The following WDR59 variants were observed in gnomAD, a reference collection of about 807,000 sequenced individuals.
The protein encoded by WDR59 is WD repeat domain 59.
A neutral mutation model predicts 131.2 loss-of-function variants in WDR59; 100 were observed. The ratio of observed to expected loss-of-function variants is 0.76; its 90% CI spans 0.65 to 0.90. The LOEUF (loss-of-function observed/expected upper bound fraction) is 0.90. Among genes scored for constraint, WDR59 ranks in the 40% least tolerant of loss-of-function variants. WDR59 has a pLI of 0.00. For missense variants in WDR59, 1,203 were observed against 1,262.2 expected, an observed-to-expected ratio of 0.95 and a Z score of 0.71; for synonymous variants, 601 against 466.2, an observed-to-expected ratio of 1.29 and a Z score of -3.72.
rs1379173086 is a variant in WDR59, at chr16:74,956,585, G to C, written c.130C>G (p.Leu44Val). 3 of 1,614,132 alleles carry C rather than the reference G, an allele frequency of 1.9e-6. No individual in the cohort carries two copies. The highest frequency in any genetic ancestry group is 2.5e-6 in the Non-Finnish European group (3 of 1,180,018). Residue 44 changes from leucine to valine, a missense_variant, in exon 3 of 26, where the codon CTA becomes GTA. By Grantham distance (32) the Leu-to-Val change is conservative. Coordinates refer to ENST00000262144, the MANE Select transcript of WDR59 (RefSeq NM_030581.4). ...CGGTGACCTTCGAAAGGGGCATCTA[G>C]ATTGACGATGTATAAGAATCTGCGG... The part of the protein sequence containing the change: ...SGRRFLYIVN[L>V]DAPFEGHRKI...
chr16:74,877,228 A>G (rs1964256976), intron 25 of WDR59, among the ~76,000 whole-genome samples: 2 of 152,002 alleles, frequency 1.3e-5, no homozygotes, highest in Admixed American at 1.3e-4. Context: ...GGTTTTGTGT[A>G]TATCTCAAAA....
At chr16:74,960,753 T>TAA (rs59914217) in intron 2 of WDR59, among the ~76,000 whole-genome samples, 2 of 118,728 alleles carry the variant, frequency 1.7e-5, no homozygotes, top group Non-Finnish European at 3.6e-5. Flanking sequence ...GTCTCAAAAA[T>TAA]AAAAAAAAAA....
At chr16:74,970,259 T>A (rs2033927290) in intron 1 of WDR59, among the ~76,000 whole-genome samples, 1 of 152,048 alleles carries the variant, frequency 6.6e-6, no homozygotes, top group Non-Finnish European at 1.5e-5. Context: ...TATGTCTAGT[T>A]TTCTAGCAGT....
chr16:74,902,050 A>C (rs1240832743), intron 18 of WDR59, among the ~76,000 whole-genome samples: 2 of 152,222 alleles, frequency 1.3e-5, no homozygotes, highest in African/African-American at 4.8e-5. Context: ...CGTATGATTT[A>C]AGCCAATAAT....
At chr16:74,982,940 T>G (rs1441399994) in intron 1 of WDR59, among the ~76,000 whole-genome samples, 1 of 152,230 alleles carries the variant, frequency 6.6e-6, no homozygotes, top group African/African-American at 2.4e-5. Flanking sequence ...ATGAATCACC[T>G]GTGCATGGTA....
At chr16:74,899,461 G>C (rs887712259) in intron 18 of WDR59, among the ~76,000 whole-genome samples, 1 of 152,154 alleles carries the variant, frequency 6.6e-6, no homozygotes, top group African/African-American at 2.4e-5. Flanking sequence ...ACTTTCCTTT[G>C]CCAAAAGAGT....
At chr16:74,948,409 C>CA in intron 6 of WDR59, 110 bp downstream of exon 6, 1 of 1,022,310 alleles carries the variant, frequency 9.8e-7, no homozygotes, top group Non-Finnish European at 1.5e-6. Context: ...CAGACAGAGG[C>CA]AGTTAGAGAG....
rs761972551 is a variant in WDR59, at chr16:74,951,534, G to A, written c.250C>T (p.Arg84Ter). ...TCTTTCCACTTGTAAAGGTCTACTC[G>A]TTGGTTACTCTGAAAAGAAAGGAAA... ...AHYFAASSNQRVDLYKWKDGS... is the reference protein window; with the variant it reads ...AHYFAASSNQ The change falls in exon 4 of 26, where the codon CGA becomes TGA. Residue 84 changes from arginine (R) to a stop codon, truncating the protein, a stop_gained. Coordinates refer to ENST00000262144, the MANE Select transcript of WDR59 (RefSeq NM_030581.4). LOFTEE classifies it high-confidence loss of function. 2.1e-5 allele frequency: 34 copies of A among 1,593,994 alleles called. No individual in the cohort carries two copies. Among genetic ancestry groups the A allele is most frequent in the Non-Finnish European group, 2.5e-5 (29 of 1,170,500 alleles).
Position 74,952,784 on chromosome 16 carries a change from T to C in WDR59, c.241-1241A>G, listed in dbSNP as rs182407225. Reference sequence around the variant, plus strand: ...TTTTTAAATTATATATATATATATATACACATTAGACTGATTGTCATTTTA... The same window carrying C: ...TTTTTAAATTATATATATATATATACACACATTAGACTGATTGTCATTTTA... On this transcript the variant is annotated intron_variant, in intron 3 of 25. Coordinates refer to ENST00000262144, the MANE Select transcript of WDR59 (RefSeq NM_030581.4). 1.5e-3 allele frequency among the ~76,000 whole-genome samples: 223 copies of C among 151,200 alleles called. 1 individual carries two copies. The highest frequency in any genetic ancestry group is 4.9e-3 in the African/African-American group (201 of 41,336).
At chr16:74,984,879 G>GC in intron 1 of WDR59, 85 bp downstream of exon 1, 2 of 1,546,488 alleles carry the variant, frequency 1.3e-6, no homozygotes, top group Non-Finnish European at 1.8e-6. Flanking sequence ...TCTCCCCGTA[G>GC]CCCCCCGGGA....
chr16:74,907,123 T>C (rs1481449544), intron 17 of WDR59, among the ~76,000 whole-genome samples: 1 of 141,602 alleles, frequency 7.1e-6, no homozygotes, highest in Non-Finnish European at 1.6e-5. Context: ...CCAGTTCCCA[T>C]GGGGCCCAGG....
At chr16:74,895,504 T>G (rs2144844550) in intron 18 of WDR59, among the ~76,000 whole-genome samples, 1 of 152,228 alleles carries the variant, frequency 6.6e-6, no homozygotes, top group Non-Finnish European at 1.5e-5. Context: ...CTCAAGTGAT[T>G]CACCCACCTT....
rs186807330 is a variant in WDR59 at position 74,959,831 on chromosome 16, A to G, written c.105-3221T>C. On this transcript the variant is annotated intron_variant, in intron 2 of 25. Coordinates refer to ENST00000262144, the MANE Select transcript of WDR59 (RefSeq NM_030581.4). ...CCCACCGCCCTCCAAAATAATAACAATAAGAAAAAAAAAAAAAGAGGAAGA... is the reference window on the plus strand; with the variant it reads ...CCCACCGCCCTCCAAAATAATAACAGTAAGAAAAAAAAAAAAAGAGGAAGA... Among the ~76,000 whole-genome samples the G allele has an allele frequency of 3.6e-3, 546 of 150,520 alleles. 2 individuals are homozygous for G. The highest frequency in any genetic ancestry group is 0.013 in the African/African-American group (520 of 40,982).
intron 25 of WDR59, among the ~76,000 whole-genome samples, chr16:74,883,751 G>C (rs1964628977): frequency 6.6e-6 from 1 of 152,078 alleles, no homozygotes; most frequent in African/African-American, 2.4e-5. Flanking sequence ...GCCCAGCGCA[G>C]ATGGCCTCTC....
At chr16:74,900,550 G>A (rs997574397) in intron 18 of WDR59, among the ~76,000 whole-genome samples, 11 of 152,156 alleles carry the variant, frequency 7.2e-5, no homozygotes, top group South Asian at 2.1e-4. Context: ...CTTATCCTAA[G>A]TTCTGGGCCT....
chr16:74,980,438 C>T lies in WDR59; in HGVS notation c.54+4526G>A, dbSNP rs113913317. On this transcript the variant is annotated intron_variant, in intron 1 of 25. Coordinates refer to ENST00000262144, the MANE Select transcript of WDR59 (RefSeq NM_030581.4). ...GGTGCGATTTGGCTCGCTGCAACCT[C>T]CGCCTCCCAGGTTCAAGTGACTCTC... Among the ~76,000 whole-genome samples, 1,047 of 149,550 alleles carry T rather than the reference C, an allele frequency of 7.0e-3. 18 individuals carry two copies. The highest frequency in any genetic ancestry group is 0.024 in the African/African-American group (975 of 40,448).
At chr16:74,958,488 G>A (rs901093255) in intron 2 of WDR59, among the ~76,000 whole-genome samples, 3 of 148,860 alleles carry the variant, frequency 2.0e-5, no homozygotes, top group African/African-American at 7.4e-5. Flanking sequence ...AGCCACTCAG[G>A]AGGCTGAGGC....
chr16:74,919,667 A>G (rs557179178), intron 10 of WDR59, among the ~76,000 whole-genome samples: 85 of 152,106 alleles, frequency 5.6e-4, no homozygotes, highest in African/African-American at 1.9e-3. Flanking sequence ...TAATGATTAT[A>G]TGGCTTCCTA....
At chr16:74,916,903 A>G (rs888808026) in intron 11 of WDR59, among the ~76,000 whole-genome samples, 1 of 152,118 alleles carries the variant, frequency 6.6e-6, no homozygotes, top group African/African-American at 2.4e-5. Flanking sequence ...ATTTGGTGCA[A>G]ATTGTACCTT....
Sources: allele counts gnomAD v4.1 joint callset (sites outside exome capture counted in the v4.1 genomes callset), GRCh38; gene constraint gnomAD v4.1.1; transcripts MANE v1.5; gene names NCBI Gene and HGNC (gene_info 2026-07-23, HGNC 2026-07-21).